The following ANXA8 variants were observed in gnomAD, a reference collection of about 807,000 sequenced individuals.
ANXA8 encodes the protein VAC-beta.
Under a neutral mutation model 26.8 loss-of-function variants are expected in ANXA8, and 9 were observed. That is an observed-to-expected ratio of 0.34 (90% CI 0.20 to 0.59). The LOEUF (loss-of-function observed/expected upper bound fraction) is 0.59. Among genes scored for constraint, ANXA8 ranks in the 20% least tolerant of loss-of-function variants. The pLI is 0.84. For missense variants in ANXA8, 83 were observed against 238.5 expected (o/e 0.35, Z 4.29); for synonymous variants, 39 against 94.8 (o/e 0.41, Z 3.42).
the ANXA8 span, among the ~76,000 whole-genome samples, chr10:47,735,355 A>G: frequency 1.4e-5 from 2 of 145,520 alleles, no homozygotes; most frequent in African/African-American, 5.2e-5. Context: ...TTGGCCTCCC[A>G]AAGTGCTAGG....
the ANXA8 span, among the ~76,000 whole-genome samples, chr10:47,949,145 C>CACAT: frequency 1.3e-4 from 8 of 59,950 alleles, 2 homozygotes; most frequent in East Asian, 1.2e-3. Context: ...CACACACACA[C>CACAT]GTTATGCATA....
chr10:47,946,387 T>A, the ANXA8 span, among the ~76,000 whole-genome samples: 1 of 150,662 alleles, frequency 6.6e-6, no homozygotes, highest in Non-Finnish European at 1.5e-5. Flanking sequence ...AGAGGTTTAA[T>A]CTCTGAGGTC....
chr10:47,744,989 T>C, the ANXA8 span, among the ~76,000 whole-genome samples: 1 of 151,984 alleles, frequency 6.6e-6, no homozygotes, highest in South Asian at 2.1e-4. Flanking sequence ...TTAAGCTTCC[T>C]CTTGATTCCT....
chr10:47,740,879 T>C, the ANXA8 span, among the ~76,000 whole-genome samples: 1 of 149,274 alleles, frequency 6.7e-6, no homozygotes, highest in Non-Finnish European at 1.5e-5. Flanking sequence ...AGGACTGAGA[T>C]TGTCAGTTTA....
the ANXA8 span, among the ~76,000 whole-genome samples, chr10:47,669,106 C>T: frequency 6.6e-6 from 1 of 151,824 alleles, no homozygotes; most frequent in African/African-American, 2.4e-5. Context: ...TTTCCCTGCT[C>T]TGAAATCCTC....
chr10:47,733,142 AATCT>A, the ANXA8 span, among the ~76,000 whole-genome samples: 1 of 135,450 alleles, frequency 7.4e-6, no homozygotes, highest in Non-Finnish European at 1.6e-5. Context: ...CCAACTCCCT[AATCT>A]TTCTTTCTTT....
At chr10:47,556,986 T>C in the ANXA8 span, among the ~76,000 whole-genome samples, 1 of 149,524 alleles carries the variant, frequency 6.7e-6, no homozygotes, top group East Asian at 2.0e-4. Flanking sequence ...AATTAAAGTA[T>C]AATTTTTATT....
At chr10:47,563,910 G>A in the ANXA8 span, among the ~76,000 whole-genome samples, 1 of 151,304 alleles carries the variant, frequency 6.6e-6, no homozygotes, top group Non-Finnish European at 1.5e-5. Flanking sequence ...TTTAAGTCTA[G>A]ATCTTTGTTT....
At chr10:47,553,092 T>G in the ANXA8 span, among the ~76,000 whole-genome samples, 1 of 152,098 alleles carries the variant, frequency 6.6e-6, no homozygotes, top group Admixed American at 6.5e-5. Flanking sequence ...AATAGCTGTG[T>G]GATTTCAGAG....
chr10:47,576,982 A>C, the ANXA8 span, among the ~76,000 whole-genome samples: 3 of 147,714 alleles, frequency 2.0e-5, no homozygotes, highest in African/African-American at 7.7e-5. Flanking sequence ...AAGACAGAAA[A>C]GCAGCAAGAG....
intron 1 of ANXA8, among the ~76,000 whole-genome samples, chr10:47,480,935 A>G (rs1237341318): frequency 7.7e-6 from 1 of 129,510 alleles, no homozygotes; most frequent in African/African-American, 2.8e-5. Context: ...TTGTGAAAAT[A>G]CAGAGATTCC....
At chr10:47,484,563 C>T (rs1298939504), upstream of ANXA8, 10 of 1,423,404 alleles carry the variant, frequency 7.0e-6, no homozygotes, top group Admixed American at 1.2e-4. Flanking sequence ...CACTGTCAGA[C>T]CGGTGATGGC....
the ANXA8 span, among the ~76,000 whole-genome samples, chr10:47,684,729 G>A: frequency 6.6e-6 from 1 of 151,474 alleles, no homozygotes; most frequent in Non-Finnish European, 1.5e-5. Flanking sequence ...GGGATTACAG[G>A]TGTGTGCCAC....
chr10:47,952,014 C>A, the ANXA8 span, among the ~76,000 whole-genome samples: 1 of 150,238 alleles, frequency 6.7e-6, no homozygotes, highest in South Asian at 2.1e-4. Context: ...AGGTGATGAT[C>A]TAGATAGATG....
At chr10:47,493,851 G>T in the ANXA8 span, among the ~76,000 whole-genome samples, 276 of 142,364 alleles carry the variant, frequency 1.9e-3, 1 homozygote, top group African/African-American at 6.9e-3. Flanking sequence ...TCTGGGCGAG[G>T]CTGGGTCCAG....
At chr10:47,546,064 A>G in the ANXA8 span, among the ~76,000 whole-genome samples, 2 of 104,064 alleles carry the variant, frequency 1.9e-5, no homozygotes, top group African/African-American at 3.4e-5. Context: ...TACCTAAGAA[A>G]TCCTAATTTA....
the ANXA8 span, among the ~76,000 whole-genome samples, chr10:47,604,071 TG>T: frequency 7.4e-6 from 1 of 134,432 alleles, no homozygotes; most frequent in Admixed American, 7.6e-5. Flanking sequence ...AAAACCTAAC[TG>T]GGAGGGAAAA....
the ANXA8 span, among the ~76,000 whole-genome samples, chr10:47,743,771 C>A: frequency 6.7e-6 from 1 of 150,350 alleles, no homozygotes; most frequent in Admixed American, 6.6e-5. Context: ...CCCGCAAGCG[C>A]GGCCCCTCCG....
chr10:47,967,972 C>T, the ANXA8 span, among the ~76,000 whole-genome samples: 1 of 145,524 alleles, frequency 6.9e-6, no homozygotes, highest in African/African-American at 2.5e-5. Context: ...AGCATGGGTG[C>T]AAAAAAAAAA....
Sources: allele counts gnomAD v4.1 joint callset (sites outside exome capture counted in the v4.1 genomes callset), GRCh38; gene constraint gnomAD v4.1.1; transcripts MANE v1.5; gene names NCBI Gene and HGNC (gene_info 2026-07-23, HGNC 2026-07-21).